The following ADGRB3 variants were observed in gnomAD, a reference collection of about 807,000 sequenced individuals.
The protein encoded by ADGRB3 is adhesion G protein-coupled receptor B3.
Under a neutral mutation model 193.4 loss-of-function variants are expected in ADGRB3, and 37 were observed. The ratio of observed to expected loss-of-function variants is 0.19; its 90% CI spans 0.15 to 0.25. The LOEUF is 0.25. ADGRB3 is among the 10% of genes least tolerant of loss of function. The pLI, the probability that ADGRB3 is intolerant of heterozygous loss-of-function variation, is 1.00. For synonymous variants in ADGRB3, 690 were observed against 644.2 expected (o/e 1.07, Z -1.08); for missense variants, 1,637 against 1,852.9 (o/e 0.88, Z 2.14).
rs549989666 is a variant in ADGRB3 at position 68,712,191 on chromosome 6, G to A, written c.757+72759G>A. On this transcript the variant is annotated intron_variant, in intron 3 of 31. Coordinates refer to ENST00000370598, the MANE Select transcript of ADGRB3 (RefSeq NM_001704.3). ...AGTTGGACAGAGGCTTAATTTATGC[G>A]TATAACATCATTTTGCAACTTATCT... is the stretch of plus-strand genomic sequence containing the variant. Among the ~76,000 whole-genome samples, 61 of 151,722 alleles carry A rather than the reference G, an allele frequency of 4.0e-4. No homozygotes were observed. The South Asian group carries it at 5.0e-3, about 12-fold the overall frequency.
intron 28 of ADGRB3, 116 bp from the exon 29 acceptor site, chr6:69,360,753 A>T: frequency 9.2e-7 from 1 of 1,088,582 alleles, no homozygotes; most frequent in South Asian, 1.7e-5. Flanking sequence ...TTTAAATAAC[A>T]TACCTACCAA....
Position 68,956,668 on chromosome 6 carries a change from G to A in ADGRB3, c.1384G>A (p.Gly462Ser), listed in dbSNP as rs767219389. Residue 462 changes from glycine (G) to serine (S), a missense_variant, in exon 8 of 32, where the codon GGT becomes AGT. By Grantham distance (56) the Gly-to-Ser change is moderately conservative. Around this residue, in one of 7 missense-constraint regions of ADGRB3, gnomAD observed 641 missense variants for 673.9 expected, o/e 0.95. Coordinates refer to ENST00000370598, the MANE Select transcript of ADGRB3 (RefSeq NM_001704.3). ...CTANGQWNQW[G>S]HWSGCSKSCD... ...AGCCAATGGTCAATGGAATCAGTGG[G>A]GTCATTGGAGTGGTTGTTCCAAGTC... 7 of 1,613,970 alleles carry A rather than the reference G, an allele frequency of 4.3e-6. No homozygotes were observed. The highest frequency in any genetic ancestry group is 8.5e-7 in the Non-Finnish European group (1 of 1,179,966).
At chr6:69,360,106 T>C (rs1769420959) in intron 28 of ADGRB3, among the ~76,000 whole-genome samples, 1 of 151,898 alleles carries the variant, frequency 6.6e-6, no homozygotes. Flanking sequence ...TTATCATAGA[T>C]TTTTTTCCCT....
At chr6:69,132,801 T>C (rs1483522432) in intron 17 of ADGRB3, among the ~76,000 whole-genome samples, 2 of 152,198 alleles carry the variant, frequency 1.3e-5, no homozygotes, top group African/African-American at 4.8e-5. Flanking sequence ...TTAATTTTTG[T>C]ATAAGGAGTA....
At chr6:69,089,727 C>T (rs1294132032) in intron 17 of ADGRB3, among the ~76,000 whole-genome samples, 1 of 152,160 alleles carries the variant, frequency 6.6e-6, no homozygotes, top group Non-Finnish European at 1.5e-5. Context: ...TGCTGCTGCC[C>T]TAGAGCTCTG....
At chr6:68,798,283 G>A (rs1270268084) in intron 3 of ADGRB3, among the ~76,000 whole-genome samples, 2 of 152,146 alleles carry the variant, frequency 1.3e-5, no homozygotes, top group Non-Finnish European at 2.9e-5. Context: ...TATGTGCCAA[G>A]TCTGTTCTGT....
chr6:68,778,630 T>A (rs769680702), intron 3 of ADGRB3, among the ~76,000 whole-genome samples: 1 of 152,138 alleles, frequency 6.6e-6, no homozygotes, highest in Admixed American at 6.6e-5. Flanking sequence ...TTCTGAACTT[T>A]GCAGAGCACT....
intron 13 of ADGRB3, among the ~76,000 whole-genome samples, chr6:69,041,315 TAA>T (rs531450316): frequency 2.0e-3 from 300 of 151,488 alleles, no homozygotes; most frequent in African/African-American, 6.5e-3. Flanking sequence ...TTCATAGACA[TAA>T]AGATTGTGCT....
At position 69,330,260 on chromosome 6, in the gene ADGRB3, C is replaced by A. The variant is rs769907482; in HGVS notation, c.3036-246C>A. Among the ~76,000 whole-genome samples, 33 of 152,160 alleles carry A rather than the reference C, an allele frequency of 2.2e-4. 1 individual carries two copies. Among genetic ancestry groups the A allele is most frequent in the Non-Finnish European group, 4.3e-4 (29 of 68,018 alleles). On this transcript the variant is annotated intron_variant, in intron 22 of 31. Coordinates refer to ENST00000370598, the MANE Select transcript of ADGRB3 (RefSeq NM_001704.3). ...CAATAGTAATTTGTCTAAAATGTTTCAACTGCCTGAAAGTAAAACCTTGTA... is the reference window on the plus strand; with the variant it reads ...CAATAGTAATTTGTCTAAAATGTTTAAACTGCCTGAAAGTAAAACCTTGTA...
At chr6:68,952,741 C>G (rs1767962355) in intron 6 of ADGRB3, among the ~76,000 whole-genome samples, 1 of 151,940 alleles carries the variant, frequency 6.6e-6, no homozygotes, top group Non-Finnish European at 1.5e-5. Context: ...GCAAAAAATG[C>G]CCACTTGATG....
intron 3 of ADGRB3, among the ~76,000 whole-genome samples, chr6:68,754,689 A>G (rs75259815): frequency 0.022 from 3,358 of 152,098 alleles, 61 homozygotes; most frequent in South Asian, 0.07. Flanking sequence ...GACTCCCTCC[A>G]TTTAATATGT....
chr6:69,327,777 G>C, intron 21 of ADGRB3, 43 bp from the exon 22 acceptor site: 1 of 1,579,818 alleles, frequency 6.3e-7, no homozygotes, highest in Non-Finnish European at 8.7e-7. Context: ...TATGCATAGT[G>C]GTTATAGCTA....
intron 16 of ADGRB3, among the ~76,000 whole-genome samples, chr6:69,067,290 G>T (rs1771938242): frequency 6.6e-6 from 1 of 152,034 alleles, no homozygotes. Context: ...TGTAGGTTTT[G>T]TTTTCTTTGC....
At chr6:69,251,483 G>T (rs1281909705) in intron 20 of ADGRB3, among the ~76,000 whole-genome samples, 1 of 151,976 alleles carries the variant, frequency 6.6e-6, no homozygotes, top group East Asian at 1.9e-4. Context: ...TACAGTGCCT[G>T]GCACATAGCA....
At chr6:69,380,874 T>G (rs1769931250) in intron 30 of ADGRB3, among the ~76,000 whole-genome samples, 1 of 151,884 alleles carries the variant, frequency 6.6e-6, no homozygotes, top group Non-Finnish European at 1.5e-5. Flanking sequence ...CTTGTAAGCA[T>G]GTATTAAATG....
rs1398142849 is a variant in ADGRB3 at position 69,286,130 on chromosome 6, T to C, written c.2815-38742T>C. On this transcript the variant is annotated intron_variant, in intron 20 of 31. Transcript: ENST00000370598. ...AGAGTAGATAAAGAAGACAATTTTC[T>C]AAGGAAAGTCTGGCATTGGCTACTT... Among the ~76,000 whole-genome samples the C allele has an allele frequency of 2.0e-5, 3 of 152,148 alleles. No homozygotes were observed. The East Asian group carries it at 5.8e-4, about 29-fold the overall frequency.
chr6:69,220,163 T>C (rs1765862786), intron 17 of ADGRB3, among the ~76,000 whole-genome samples: 1 of 152,056 alleles, frequency 6.6e-6, no homozygotes, highest in South Asian at 2.1e-4. Flanking sequence ...TTTTTTTAGG[T>C]ACTTTGCTTT....
At chr6:68,636,375 T>C (rs1242524958) in intron 1 of ADGRB3, among the ~76,000 whole-genome samples, 3 of 151,904 alleles carry the variant, frequency 2.0e-5, no homozygotes, top group African/African-American at 7.3e-5. Flanking sequence ...TCGACTAAAC[T>C]AAAGTGTCAC....
chr6:68,637,146 C>T (rs746483813), intron 1 of ADGRB3, among the ~76,000 whole-genome samples: 6 of 152,082 alleles, frequency 3.9e-5, no homozygotes, highest in Non-Finnish European at 8.8e-5. Context: ...TTTTAAACTG[C>T]TGCTATATAG....
Sources: allele counts gnomAD v4.1 joint callset (sites outside exome capture counted in the v4.1 genomes callset), GRCh38; gene constraint gnomAD v4.1.1; regional missense constraint gnomAD v4.1.1; transcripts MANE v1.5; gene names NCBI Gene and HGNC (gene_info 2026-07-23, HGNC 2026-07-21).